Variants in OSBPL10 observed in about 807,000 individuals in gnomAD.
OSBPL10 encodes the protein oxysterol-binding protein-related protein 10.
OSBPL10 carries 49 observed loss-of-function variants against 81.7 expected under a neutral mutation model. The observed-to-expected ratio is 0.60, with a 90% CI of 0.48 to 0.76. OSBPL10 has a LOEUF of 0.76. OSBPL10 is among the 30% of genes least tolerant of loss of function. The pLI is 0.00. For missense variants in OSBPL10, 923 were observed against 987.8 expected (o/e 0.93, Z 0.88); for synonymous variants, 419 against 383.6 (o/e 1.09, Z -1.08).
intron 2 of OSBPL10, among the ~76,000 whole-genome samples, chr3:32,021,371 C>A (rs1330245037): frequency 6.6e-6 from 1 of 152,302 alleles, no homozygotes; most frequent in African/African-American, 2.4e-5. Flanking sequence ...TGTGTATATT[C>A]CTAGAACTGG....
intron 2 of OSBPL10, among the ~76,000 whole-genome samples, chr3:32,011,153 T>TCCCTGAC (rs1157487748): frequency 1.3e-5 from 2 of 152,104 alleles, no homozygotes; most frequent in Admixed American, 6.5e-5. Context: ...CTCAAGTGGG[T>TCCCTGAC]CCCTGACCCC....
intron 1 of OSBPL10, among the ~76,000 whole-genome samples, chr3:31,885,611 A>G (rs1231648642): frequency 6.6e-6 from 1 of 152,102 alleles, no homozygotes; most frequent in African/African-American, 2.4e-5. Context: ...AAAAGCATAC[A>G]TGTTTCCTTT....
intron 3 of OSBPL10, among the ~76,000 whole-genome samples, chr3:31,862,674 A>T (rs1701087769): frequency 6.6e-6 from 1 of 152,232 alleles, no homozygotes; most frequent in East Asian, 1.9e-4. Flanking sequence ...CAATAAGCAT[A>T]TAAAAAGAGA....
At chr3:31,845,602 G>A (rs533217933) in intron 3 of OSBPL10, among the ~76,000 whole-genome samples, 89 of 152,272 alleles carry the variant, frequency 5.8e-4, no homozygotes, top group African/African-American at 2.0e-3. Context: ...TACACACAGA[G>A]CAGAATCCAG....
At chr3:31,985,993 C>A (rs1480667247), upstream of OSBPL10, among the ~76,000 whole-genome samples, 1 of 152,150 alleles carries the variant, frequency 6.6e-6, no homozygotes, top group African/African-American at 2.4e-5. Context: ...GGCTACTGAG[C>A]GTGAGTTCTT....
In OSBPL10 at chr3:31,986,603, TA is replaced by T. The variant is rs201596415; in HGVS notation, n.298+59887del. Among the ~76,000 whole-genome samples the T allele has an allele frequency of 6.8e-3, 1,032 of 152,248 alleles. 8 individuals carry two copies. The highest frequency in any genetic ancestry group is 0.023 in the African/African-American group (962 of 41,548). ...TACTAAAAATACAAAAAAAAGTTTA[TA>T]TTTTTTTATACGAAAAAATACAAAT... On this transcript the variant is annotated intron_variant and non_coding_transcript_variant, in intron 2 of 3. Coordinates refer to the OSBPL10 transcript ENST00000479173.
intron 2 of OSBPL10, among the ~76,000 whole-genome samples, chr3:32,005,885 C>T (rs1388848562): frequency 6.6e-6 from 1 of 151,682 alleles, no homozygotes; most frequent in African/African-American, 2.4e-5. Flanking sequence ...CGTGCCCAGC[C>T]CAATGTTTTT....
intron 1 of OSBPL10, among the ~76,000 whole-genome samples, chr3:31,922,388 G>A (rs886370229): frequency 6.6e-6 from 1 of 152,180 alleles, no homozygotes; most frequent in South Asian, 2.1e-4. Flanking sequence ...GGAGGCCATG[G>A]CGGGCAGATC....
intron 4 of OSBPL10, among the ~76,000 whole-genome samples, chr3:31,766,896 C>T (rs1315510368): frequency 1.3e-5 from 2 of 152,132 alleles, no homozygotes; most frequent in Non-Finnish European, 2.9e-5. Flanking sequence ...CCAGCTGTAA[C>T]CAAGCCCAGA....
chr3:31,987,219 A>G (rs1698947081), intron 2 of OSBPL10, among the ~76,000 whole-genome samples: 1 of 152,174 alleles, frequency 6.6e-6, no homozygotes, highest in South Asian at 2.1e-4. Flanking sequence ...GGTTCATACT[A>G]TAAAACATAT....
At chr3:31,733,480 G>T (rs1487245841) in intron 5 of OSBPL10, 69 bp from the exon 6 acceptor site, 1 of 1,587,918 alleles carries the variant, frequency 6.3e-7, no homozygotes, top group Non-Finnish European at 8.6e-7. Context: ...TGAAATATTT[G>T]TACTCACTGT....
chr3:31,743,230 G>A (rs544146798), intron 5 of OSBPL10, among the ~76,000 whole-genome samples: 3 of 151,918 alleles, frequency 2.0e-5, no homozygotes, highest in South Asian at 4.2e-4. Context: ...TAGTAGAGAT[G>A]TGATTTCATC....
intron 6 of OSBPL10, among the ~76,000 whole-genome samples, chr3:31,728,289 C>G (rs1696871071): frequency 6.6e-6 from 1 of 152,124 alleles, no homozygotes; most frequent in African/African-American, 2.4e-5. Context: ...CTGAGACAGT[C>G]AACACAGGGG....
chr3:31,687,150 C>G (rs2168421), intron 7 of OSBPL10, among the ~76,000 whole-genome samples: 7,142 of 152,254 alleles, frequency 0.047, 568 homozygotes, highest in African/African-American at 0.16. Flanking sequence ...CCAAGGGGCC[C>G]TGTGATCAGA....
chr3:31,906,061 A>C (rs1696402508), intron 1 of OSBPL10, among the ~76,000 whole-genome samples: 1 of 152,164 alleles, frequency 6.6e-6, no homozygotes, highest in South Asian at 2.1e-4. Context: ...TCCACAAACA[A>C]CACCATAGTC....
intron 6 of OSBPL10, among the ~76,000 whole-genome samples, chr3:31,709,725 G>A (rs907339990): frequency 1.3e-5 from 2 of 152,162 alleles, no homozygotes; most frequent in African/African-American, 4.8e-5. Context: ...CCAACTGCCA[G>A]CGTGCAGAAT....
At chr3:31,923,244 T>C (rs1696969839) in intron 1 of OSBPL10, among the ~76,000 whole-genome samples, 2 of 152,046 alleles carry the variant, frequency 1.3e-5, no homozygotes, top group Admixed American at 6.6e-5. Context: ...AACCACCAAT[T>C]TGGTTAATTA....
At chr3:31,804,848 G>A (rs993461283) in intron 4 of OSBPL10, among the ~76,000 whole-genome samples, 1 of 152,080 alleles carries the variant, frequency 6.6e-6, no homozygotes, top group African/African-American at 2.4e-5. Flanking sequence ...TACTAAATCT[G>A]CTTTGGTTTG....
In OSBPL10 at chr3:31,874,944, A is replaced by T. The variant is rs113418515; in HGVS notation, c.537+1489T>A. Among the ~76,000 whole-genome samples, 111 of 152,256 alleles carry T rather than the reference A, an allele frequency of 7.3e-4. 3 individuals are homozygous for T. Among genetic ancestry groups the T allele is most frequent in the African/African-American group, 2.5e-3 (106 of 41,570 alleles). Reference sequence around the variant, plus strand: ...TTATATGTGACAACAACAATAAGGAAACAACTCTAAATTTCCATTAGTAGA... The same window carrying T: ...TTATATGTGACAACAACAATAAGGATACAACTCTAAATTTCCATTAGTAGA... On this transcript the variant is annotated intron_variant, in intron 3 of 11. Coordinates refer to ENST00000396556, the MANE Select transcript of OSBPL10 (RefSeq NM_017784.5).
Sources: allele counts gnomAD v4.1 joint callset (sites outside exome capture counted in the v4.1 genomes callset), GRCh38; gene constraint gnomAD v4.1.1; transcripts MANE v1.5; gene names NCBI Gene and HGNC (gene_info 2026-07-23, HGNC 2026-07-21).